CA1: variants seen among roughly 807,000 people sequenced by gnomAD.
The protein encoded by CA1 is carbonic anhydrase 1.
CA1 carries 27 observed loss-of-function variants against 28.8 expected under a neutral mutation model. The observed-to-expected ratio is 0.94, with a 90% CI of 0.69 to 1.29. The LOEUF is 1.29. Among genes scored for constraint, CA1 ranks in the 50% most tolerant of loss-of-function variants. The pLI, the probability that CA1 is intolerant of heterozygous loss-of-function variation, is 0.00. For synonymous variants in CA1, 121 were observed against 108.8 expected, an observed-to-expected ratio of 1.11 and a Z score of -0.70; for missense variants, 335 against 310.5, an observed-to-expected ratio of 1.08 and a Z score of -0.59.
chr8:85,332,691 T>G (rs879234773), intron 5 of CA1, 139 bp from the exon 6 acceptor site: 3 of 678,984 alleles, frequency 4.4e-6, no homozygotes, highest in Admixed American at 2.1e-5. Context: ...GGGAGATTTT[T>G]CAAGCTGTAT....
At chr8:85,351,701 C>T (rs567266592) in intron 1 of CA1, 5 of 152,320 alleles carry the variant, frequency 3.3e-5, no homozygotes, top group South Asian at 2.1e-4. Flanking sequence ...TACTGATTTA[C>T]GAGCAGCTTT....
intron 1 of CA1, among the ~76,000 whole-genome samples, chr8:85,352,452 T>G (rs1343071928): frequency 6.6e-6 from 1 of 152,320 alleles, no homozygotes; most frequent in South Asian, 2.1e-4. Flanking sequence ...AGCTTGAATG[T>G]CCAACCAATA....
intron 1 of CA1, among the ~76,000 whole-genome samples, chr8:85,357,835 C>T (rs1809657206): frequency 6.6e-6 from 1 of 152,206 alleles, no homozygotes; most frequent in Non-Finnish European, 1.5e-5. Flanking sequence ...TTGGTCCCAA[C>T]TGAGAGACAG....
intron 1 of CA1, among the ~76,000 whole-genome samples, chr8:85,356,996 A>G (rs530508501): frequency 9.8e-5 from 15 of 152,340 alleles, no homozygotes; most frequent in African/African-American, 3.1e-4. Flanking sequence ...TTGGAAAGCA[A>G]TACAACACAA....
chr8:85,333,579 A>T lies in CA1; in HGVS notation c.396T>A (p.Leu132=). The change falls in exon 5 of 8, where the codon CTT becomes CTA. Residue 132 remains leucine, a synonymous_variant. Transcript: ENST00000523022. ...AHWNSAKYSS[L]AEAASKADGL... is the part of the protein sequence containing the mutation. ...CATCAGCCTTTGAGGCAGCTTCAGCAAGGCTGGAGTACTTTGCAGAATTCC... is the reference window on the plus strand; with the variant it reads ...CATCAGCCTTTGAGGCAGCTTCAGCTAGGCTGGAGTACTTTGCAGAATTCC... The T allele has an allele frequency of 1.2e-6, 2 of 1,612,994 alleles. No homozygotes were observed. Among genetic ancestry groups the T allele is most frequent in the South Asian group, 2.2e-5 (2 of 91,062 alleles).
At chr8:85,335,961 G>A (rs997587766) in intron 4 of CA1, among the ~76,000 whole-genome samples, 17 of 152,164 alleles carry the variant, frequency 1.1e-4, no homozygotes, top group African/African-American at 3.9e-4. Flanking sequence ...AAAATCTATC[G>A]TACATAATTA....
chr8:85,344,192 ATATTATACAG>A (rs1809047725), intron 1 of CA1, among the ~76,000 whole-genome samples: 1 of 114,336 alleles, frequency 8.7e-6, no homozygotes, highest in Non-Finnish European at 1.6e-5. Flanking sequence ...ATATAATTAT[ATATTATACAG>A]TATATAATAT....
rs562185169 is a variant in CA1 at position 85,361,933 on chromosome 8, A to C, written c.-25+16113T>G. On this transcript the variant is annotated intron_variant, in intron 1 of 7. Transcript: ENST00000523022. ...GTATTGAGTTTATGGCAGACCATAC[A>C]GAGAGGTAATATAGTAGTTTTCTAC... is the stretch of plus-strand genomic sequence containing the variant. 2.0e-5 allele frequency among the ~76,000 whole-genome samples: 3 copies of C among 152,128 alleles called. No individual in the cohort carries two copies. The South Asian group carries it at 6.2e-4, about 32-fold the overall frequency.
At chr8:85,357,583 T>A (rs1430358555) in intron 1 of CA1, among the ~76,000 whole-genome samples, 2 of 152,238 alleles carry the variant, frequency 1.3e-5, no homozygotes, top group African/African-American at 2.4e-5. Context: ...TTTTTTATTA[T>A]TTCAAATTTG....
chr8:85,341,852 G>A (rs1808947480), intron 1 of CA1, 193 bp from the exon 2 acceptor site: 1 of 481,650 alleles, frequency 2.1e-6, no homozygotes, highest in Non-Finnish European at 3.7e-6. Context: ...GGCTATGTTA[G>A]TTTCAATTGC....
intron 1 of CA1, among the ~76,000 whole-genome samples, chr8:85,350,627 C>G (rs770969542): frequency 2.0e-5 from 3 of 152,082 alleles, no homozygotes; most frequent in Admixed American, 6.6e-5. Flanking sequence ...TGGCAAGTGC[C>G]TCAGTTTTCC....
intron 1 of CA1, among the ~76,000 whole-genome samples, chr8:85,351,313 A>G (rs1409384522): frequency 6.6e-6 from 1 of 152,262 alleles, no homozygotes; most frequent in Non-Finnish European, 1.5e-5. Flanking sequence ...TAACTTTAAA[A>G]TCAGAGGTGG....
chr8:85,331,166 T>C (rs536712198), intron 6 of CA1, among the ~76,000 whole-genome samples: 1 of 152,166 alleles, frequency 6.6e-6, no homozygotes, highest in Non-Finnish European at 1.5e-5. Context: ...TCTAACTCCT[T>C]TTGAGTCAAT....
chr8:85,330,427 T>C (rs1233961620), intron 6 of CA1, among the ~76,000 whole-genome samples: 3 of 152,132 alleles, frequency 2.0e-5, no homozygotes, highest in African/African-American at 7.2e-5. Context: ...TTGTTTTTGC[T>C]CTTTCGATAT....
chr8:85,375,252 A>G (rs1325156577), intron 1 of CA1, among the ~76,000 whole-genome samples: 2 of 152,218 alleles, frequency 1.3e-5, no homozygotes, highest in South Asian at 2.1e-4. Context: ...GACAAGGGCA[A>G]TGAGAGAAAC....
chr8:85,339,097 C>A (rs939896045), intron 2 of CA1, among the ~76,000 whole-genome samples: 1 of 152,088 alleles, frequency 6.6e-6, no homozygotes, highest in Non-Finnish European at 1.5e-5. Flanking sequence ...TAGAATCAGA[C>A]CATACATATT....
intron 1 of CA1, 151 bp from the exon 2 acceptor site, chr8:85,341,810 T>C: frequency 1.8e-6 from 1 of 550,768 alleles, no homozygotes. Flanking sequence ...TACACATATC[T>C]AAAAAAAAGG....
chr8:85,336,068 G>C (rs1808640815), intron 4 of CA1, among the ~76,000 whole-genome samples: 1 of 152,104 alleles, frequency 6.6e-6, no homozygotes. Flanking sequence ...CATATGTTGT[G>C]ATTGTTCATC....
At chr8:85,371,064 A>G (rs1415817458) in intron 1 of CA1, among the ~76,000 whole-genome samples, 3 of 152,090 alleles carry the variant, frequency 2.0e-5, no homozygotes, top group African/African-American at 2.4e-5. Flanking sequence ...CATCTTTAGG[A>G]TGGATCCACA....
Sources: gnomAD v4.1 joint callset for allele counts (sites outside exome capture counted in the v4.1 genomes callset) on GRCh38, gnomAD v4.1.1 for gene constraint, MANE v1.5 for transcripts, NCBI Gene and HGNC (gene_info 2026-07-23, HGNC 2026-07-21) for gene names.